Variants in GRM7 observed in about 807,000 individuals in gnomAD.
GRM7 encodes glutamate metabotropic receptor 7.
A neutral mutation model predicts 84.5 loss-of-function variants in GRM7; 35 were observed. That is an observed-to-expected ratio of 0.41 (90% CI 0.32 to 0.55). The LOEUF (loss-of-function observed/expected upper bound fraction) is 0.55. GRM7 is among the 20% of genes least tolerant of loss of function. The probability of loss-of-function intolerance (pLI) is 0.19; values close to 1 mark genes in which losing one functional copy is unlikely to be tolerated. For synonymous variants in GRM7, 487 were observed against 455.1 expected (o/e 1.07, Z -0.89); for missense variants, 1,003 against 1,194.6 (o/e 0.84, Z 2.36).
intron 9 of GRM7, chr3:7,680,810 G>A: frequency 6.2e-6 from 1 of 160,906 alleles, no homozygotes; most frequent in East Asian, 1.9e-4. Context: ...AGGTACACAG[G>A]GCCAGACACT....
intron 5 of GRM7, among the ~76,000 whole-genome samples, chr3:7,438,394 C>T (rs920934935): frequency 1.3e-5 from 2 of 151,962 alleles, no homozygotes; most frequent in African/African-American, 4.8e-5. Flanking sequence ...ACCCCCATTT[C>T]TGGCGTACAC....
chr3:7,041,614 A>G (rs1282455299), intron 1 of GRM7, among the ~76,000 whole-genome samples: 3 of 152,182 alleles, frequency 2.0e-5, no homozygotes, highest in Admixed American at 2.0e-4. Flanking sequence ...TTATGAACAT[A>G]TGTTTTCATT....
intron 1 of GRM7, among the ~76,000 whole-genome samples, chr3:6,951,900 A>G (rs1692787921): frequency 6.6e-6 from 1 of 152,178 alleles, no homozygotes; most frequent in Admixed American, 6.5e-5. Flanking sequence ...ATTGAGAACT[A>G]TTATGTCCTC....
chr3:7,213,252 T>C (rs1453330798), intron 2 of GRM7, among the ~76,000 whole-genome samples: 1 of 152,222 alleles, frequency 6.6e-6, no homozygotes, highest in Admixed American at 6.5e-5. Flanking sequence ...GATATGAAAA[T>C]TGGATTTGAA....
intron 2 of GRM7, among the ~76,000 whole-genome samples, chr3:7,246,549 G>T (rs1697767726): frequency 6.6e-6 from 1 of 152,120 alleles, no homozygotes; most frequent in Non-Finnish European, 1.5e-5. Context: ...CTATCAGATG[G>T]ATATAAGTAC....
In GRM7 at chr3:6,863,313, G is replaced by A. The variant is rs1011884482; in HGVS notation, c.519+1406G>A. 3.9e-5 allele frequency among the ~76,000 whole-genome samples: 6 copies of A among 152,056 alleles called. No individual in the cohort carries two copies. Among genetic ancestry groups the A allele is most frequent in the African/African-American group, 1.4e-4 (6 of 41,410 alleles). ...TTCCGCAGATGTACACGCTGATCCTGGCACCTTTATGCTCCTCATATCTAG... is the reference window on the plus strand; with the variant it reads ...TTCCGCAGATGTACACGCTGATCCTAGCACCTTTATGCTCCTCATATCTAG... On this transcript the variant is annotated intron_variant, in intron 1 of 9. Coordinates refer to ENST00000357716, the MANE Select transcript of GRM7 (RefSeq NM_000844.4). This position sits in a 1 kb window ranked among gnomAD's most constrained non-coding sequence, Gnocchi z 4.8.
At chr3:7,439,861 A>G (rs970096950) in intron 5 of GRM7, among the ~76,000 whole-genome samples, 5 of 152,084 alleles carry the variant, frequency 3.3e-5, no homozygotes, top group Admixed American at 3.3e-4. Context: ...AGTTCCAGAG[A>G]GCACAAAGTA....
intron 2 of GRM7, among the ~76,000 whole-genome samples, chr3:7,200,043 A>G (rs1696012961): frequency 6.6e-6 from 1 of 152,226 alleles, no homozygotes; most frequent in African/African-American, 2.4e-5. Flanking sequence ...CTGGGTCATA[A>G]CATGGTAAAA....
chr3:6,970,340 T>C (rs1209860946), intron 1 of GRM7, among the ~76,000 whole-genome samples: 1 of 152,200 alleles, frequency 6.6e-6, no homozygotes. Flanking sequence ...AAACTTACTA[T>C]TGTGTCTTCA....
chr3:7,576,142 G>A (rs1307394107), intron 7 of GRM7, among the ~76,000 whole-genome samples: 1 of 152,100 alleles, frequency 6.6e-6, no homozygotes, highest in Non-Finnish European at 1.5e-5. Context: ...GAAAACACTT[G>A]TATTAATACC....
chr3:6,999,995 A>G (rs1195926704), intron 1 of GRM7, among the ~76,000 whole-genome samples: 1 of 152,168 alleles, frequency 6.6e-6, no homozygotes, highest in Non-Finnish European at 1.5e-5. Flanking sequence ...TAAGATTTAG[A>G]ACATAATATG....
intron 8 of GRM7, among the ~76,000 whole-genome samples, chr3:7,631,578 TG>T (rs1253553458): frequency 5.3e-5 from 8 of 152,178 alleles, no homozygotes. Context: ...TTAAGTATAA[TG>T]GGGGAAGTGG....
chr3:7,232,318 C>T (rs1697219512), intron 2 of GRM7, among the ~76,000 whole-genome samples: 1 of 151,574 alleles, frequency 6.6e-6, no homozygotes, highest in African/African-American at 2.4e-5. Context: ...TAACTTTTGA[C>T]AAAACATAGG....
intron 7 of GRM7, among the ~76,000 whole-genome samples, chr3:7,520,976 A>G (rs952764567): frequency 6.6e-6 from 1 of 152,148 alleles, no homozygotes; most frequent in African/African-American, 2.4e-5. Flanking sequence ...GACGCCTACT[A>G]TACCTTCCCC....
At chr3:7,135,205 T>C (rs958694915) in intron 1 of GRM7, among the ~76,000 whole-genome samples, 7 of 152,194 alleles carry the variant, frequency 4.6e-5, no homozygotes. Context: ...TGCCCAACCA[T>C]CCTATGTGAG....
chr3:7,691,833 G>T (rs1320060814), intron 9 of GRM7, among the ~76,000 whole-genome samples: 1 of 151,950 alleles, frequency 6.6e-6, no homozygotes, highest in Non-Finnish European at 1.5e-5. Flanking sequence ...GCTAATTTTT[G>T]TATTTTTAGT....
At chr3:7,581,402 G>A (rs535778425) in intron 8 of GRM7, among the ~76,000 whole-genome samples, 5 of 152,216 alleles carry the variant, frequency 3.3e-5, no homozygotes, top group East Asian at 1.9e-4. Context: ...GAAGTTTTAC[G>A]TGGTTGATTG....
At chr3:7,302,372 G>A (rs1210673818) in intron 3 of GRM7, among the ~76,000 whole-genome samples, 1 of 151,942 alleles carries the variant, frequency 6.6e-6, no homozygotes, top group Admixed American at 6.6e-5. Flanking sequence ...CATATCACAA[G>A]TACTTTTAAA....
At chr3:6,966,191 C>A (rs952356558) in intron 1 of GRM7, among the ~76,000 whole-genome samples, 1 of 152,132 alleles carries the variant, frequency 6.6e-6, no homozygotes, top group Non-Finnish European at 1.5e-5. Flanking sequence ...TTTTATACTT[C>A]CAGAATTTAT....
Sources: allele counts gnomAD v4.1 joint callset (sites outside exome capture counted in the v4.1 genomes callset), GRCh38; gene constraint gnomAD v4.1.1; non-coding constraint Gnocchi (gnomAD v3.1); transcripts MANE v1.5; gene names NCBI Gene and HGNC (gene_info 2026-07-23, HGNC 2026-07-21).